Variants in RBFOX1 observed in about 807,000 individuals in gnomAD.
The protein encoded by RBFOX1 is RNA binding protein fox-1 homolog 1.
RBFOX1 carries 8 observed loss-of-function variants against 57.7 expected under a neutral mutation model. The ratio of observed to expected loss-of-function variants is 0.14; its 90% CI spans 0.08 to 0.25. The LOEUF (loss-of-function observed/expected upper bound fraction) is 0.25. RBFOX1 is among the 10% of genes least tolerant of loss of function. The pLI is 1.00. For missense variants in RBFOX1, 611 were observed against 548.5 expected, an observed-to-expected ratio of 1.11 and a Z score of -1.14; for synonymous variants, 326 against 222.4, an observed-to-expected ratio of 1.47 and a Z score of -4.15.
intron 3 of RBFOX1, among the ~76,000 whole-genome samples, chr16:5,612,358 A>G (rs2047854793): frequency 6.6e-6 from 1 of 151,948 alleles, no homozygotes; most frequent in African/African-American, 2.4e-5. Context: ...TCCATGCAAT[A>G]TTGGGAAGCC....
At chr16:6,714,748 G>A (rs1391501340) in intron 3 of RBFOX1, among the ~76,000 whole-genome samples, 2 of 152,174 alleles carry the variant, frequency 1.3e-5, no homozygotes, top group African/African-American at 2.4e-5. Flanking sequence ...ACACAGCTGG[G>A]ACATGGGCAG....
intron 4 of RBFOX1, among the ~76,000 whole-genome samples, chr16:7,079,964 A>C (rs1186907500): frequency 6.7e-6 from 1 of 149,610 alleles, no homozygotes; most frequent in Non-Finnish European, 1.5e-5. Context: ...CAGCTGAACT[A>C]TGCATTTAAA....
At chr16:5,899,870 T>C (rs2152177534) in intron 4 of RBFOX1, among the ~76,000 whole-genome samples, 1 of 152,248 alleles carries the variant, frequency 6.6e-6, no homozygotes, top group South Asian at 2.1e-4. Context: ...GCCCAGGAGT[T>C]CGAGACTAGC....
At position 5,944,981 on chromosome 16, in the gene RBFOX1, AAAAAAAAG is replaced by A. The variant is rs1402312168; in HGVS notation, c.351+77648_351+77655del. ...CTCTGTCATAAAAAAAAAAAAAAAA[AAAAAAAAG>A]AGAGAGAGAGAGAGAGAAAGAGAGA... On this transcript the variant is annotated intron_variant, in intron 4 of 19. Transcript: ENST00000641259. 2.9e-5 allele frequency among the ~76,000 whole-genome samples: 4 copies of A among 139,188 alleles called. No homozygotes were observed. In the East Asian group the frequency reaches 6.0e-4, roughly 21 times the overall value. The allele number at this position is 139,188 out of a possible 152,430, so 91.3% of individuals were successfully genotyped here. A position where few individuals can be genotyped will look rare whatever the true frequency, so the allele number is the denominator to read the frequency against.
chr16:7,239,844 G>A (rs991687607), intron 4 of RBFOX1, among the ~76,000 whole-genome samples: 1 of 152,052 alleles, frequency 6.6e-6, no homozygotes, highest in Non-Finnish European at 1.5e-5. Flanking sequence ...TTTTCTACTT[G>A]AAACTACTAC....
In RBFOX1 at chr16:6,360,959, T is replaced by TTTTA. The variant is rs577636493; in HGVS notation, c.-64+43906_-64+43909dup. 9.2e-3 allele frequency among the ~76,000 whole-genome samples: 1,399 copies of TTTTA among 151,800 alleles called. 18 individuals carry two copies. Among genetic ancestry groups the TTTTA allele is most frequent in the African/African-American group, 0.032 (1,334 of 41,434 alleles). On this transcript the variant is annotated intron_variant, in intron 2 of 15. Transcript: ENST00000550418. ...GTCCTTTCACATCTTTTTTATTTTATTTTATTTTATTTTATTTATTTTTAG... is the reference window on the plus strand; with the variant it reads ...GTCCTTTCACATCTTTTTTATTTTATTTTATTTATTTTATTTTATTTATTTTTAG...
At position 5,386,505 on chromosome 16, in the gene RBFOX1, G is replaced by A. The variant is rs74858979; in HGVS notation, c.220-80711G>A. ...TCCCGATATTTTCTGCTTTCCCCCC[G>A]TAAATCACCTCTCCTGCCCTCCCTA... On this transcript the variant is annotated intron_variant, in intron 1 of 2. Transcript: ENST00000585867. Among the ~76,000 whole-genome samples the A allele has an allele frequency of 3.4e-3, 523 of 152,118 alleles. 1 individual carries two copies. The highest frequency in any genetic ancestry group is 0.012 in the African/African-American group (503 of 41,476).
intron 3 of RBFOX1, among the ~76,000 whole-genome samples, chr16:5,684,820 CTTGG>C (rs2050453926): frequency 6.6e-6 from 1 of 152,094 alleles, no homozygotes; most frequent in African/African-American, 2.4e-5. Flanking sequence ...TTTAGGGTTG[CTTGG>C]GGGTATTTGG....
intron 3 of RBFOX1, among the ~76,000 whole-genome samples, chr16:6,917,650 A>G (rs539046927): frequency 3.9e-5 from 6 of 152,148 alleles, no homozygotes; most frequent in Non-Finnish European, 8.8e-5. Flanking sequence ...GATGTTCCAG[A>G]TACCATTTGC....
intron 1 of RBFOX1, among the ~76,000 whole-genome samples, chr16:6,313,533 A>G (rs922132331): frequency 6.6e-6 from 1 of 152,198 alleles, no homozygotes; most frequent in Non-Finnish European, 1.5e-5. Flanking sequence ...TGGCTGTCCA[A>G]GGGTCATCAA....
intron 3 of RBFOX1, among the ~76,000 whole-genome samples, chr16:6,786,956 C>T (rs1014869101): frequency 6.6e-6 from 1 of 151,974 alleles, no homozygotes; most frequent in African/African-American, 2.4e-5. Context: ...CTGAAAGTGT[C>T]ATGACCATGT....
chr16:5,295,638 C>T (rs549480268), intron 1 of RBFOX1, among the ~76,000 whole-genome samples: 13 of 152,266 alleles, frequency 8.5e-5, no homozygotes, highest in East Asian at 7.7e-4. Flanking sequence ...TCCATCTGGC[C>T]GCTCATGACA....
chr16:6,201,527 G>T lies in RBFOX1; in HGVS notation c.-126-115468G>T, dbSNP rs371636146. 2.2e-4 allele frequency among the ~76,000 whole-genome samples: 33 copies of T among 152,272 alleles called. No homozygotes were observed. In the East Asian group the frequency reaches 3.5e-3, roughly 16 times the overall value. On this transcript the variant is annotated intron_variant, in intron 1 of 15. Transcript: ENST00000550418. ...TGCCAGAGGCTGAGAAGGGTAGCCCGGAGTGGGGAGAGATTGGGGATGGTT... is the reference window on the plus strand; with the variant it reads ...TGCCAGAGGCTGAGAAGGGTAGCCCTGAGTGGGGAGAGATTGGGGATGGTT...
intron 4 of RBFOX1, among the ~76,000 whole-genome samples, chr16:5,904,352 C>T (rs558396222): frequency 6.6e-6 from 1 of 152,128 alleles, no homozygotes; most frequent in Non-Finnish European, 1.5e-5. Flanking sequence ...CTGCTCCCAG[C>T]AGAGGCTGCT....
At chr16:6,976,943 C>T (rs1465400363) in intron 3 of RBFOX1, among the ~76,000 whole-genome samples, 2 of 145,784 alleles carry the variant, frequency 1.4e-5, no homozygotes, top group East Asian at 2.0e-4. Context: ...ATATCATATA[C>T]TATATATCAT....
At chr16:6,951,177 G>A (rs561731724) in intron 3 of RBFOX1, among the ~76,000 whole-genome samples, 66 of 152,200 alleles carry the variant, frequency 4.3e-4, no homozygotes, top group Non-Finnish European at 6.6e-4. Flanking sequence ...AAAGTGTTGG[G>A]ATTATAGGTG....
chr16:6,324,941 T>C (rs2082205655), intron 2 of RBFOX1, among the ~76,000 whole-genome samples: 2 of 152,204 alleles, frequency 1.3e-5, no homozygotes, highest in African/African-American at 2.4e-5. Context: ...CAGGAGAGTG[T>C]ACTATGTAGC....
intron 3 of RBFOX1, among the ~76,000 whole-genome samples, chr16:6,933,661 C>G (rs533623352): frequency 2.0e-5 from 3 of 152,316 alleles, no homozygotes; most frequent in Admixed American, 2.0e-4. Context: ...TGCAGTGAGT[C>G]AAGATCGTAT....
At chr16:6,132,518 G>A (rs1205523824) in intron 1 of RBFOX1, among the ~76,000 whole-genome samples, 1 of 152,120 alleles carries the variant, frequency 6.6e-6, no homozygotes, top group African/African-American at 2.4e-5. Flanking sequence ...GTATGGTATA[G>A]CCTTCTCTTT....
Sources: gnomAD v4.1 joint callset for allele counts (sites outside exome capture counted in the v4.1 genomes callset) on GRCh38, gnomAD v4.1.1 for gene constraint, MANE v1.5 for transcripts, NCBI Gene and HGNC (gene_info 2026-07-23, HGNC 2026-07-21) for gene names.